Variants in TRIM9 observed in about 807,000 individuals in gnomAD.
TRIM9 encodes E3 ubiquitin-protein ligase TRIM9.
A neutral mutation model predicts 78.3 loss-of-function variants in TRIM9; 26 were observed. That is an observed-to-expected ratio of 0.33 (90% CI 0.24 to 0.46). The LOEUF (loss-of-function observed/expected upper bound fraction) is 0.46. Among genes scored for constraint, TRIM9 ranks in the 20% least tolerant of loss-of-function variants. TRIM9 has a pLI of 1.00. For missense variants in TRIM9, 787 were observed against 1,036.4 expected, an observed-to-expected ratio of 0.76 and a Z score of 3.30; for synonymous variants, 398 against 416.5, an observed-to-expected ratio of 0.96 and a Z score of 0.54.
intron 12 of TRIM9, chr14:50,979,127 C>A: frequency 1.4e-6 from 2 of 1,398,964 alleles, no homozygotes; most frequent in Non-Finnish European, 1.9e-6. Flanking sequence ...CAGAGATGAT[C>A]ATTAGCCAAC....
At chr14:51,002,411 G>T (rs2055198893) in intron 5 of TRIM9, among the ~76,000 whole-genome samples, 1 of 152,056 alleles carries the variant, frequency 6.6e-6, no homozygotes, top group African/African-American at 2.4e-5. Context: ...TGGGATTAGA[G>T]ATATGAGCCA....
intron 1 of TRIM9, among the ~76,000 whole-genome samples, chr14:51,036,320 G>C (rs143462492): frequency 6.6e-6 from 1 of 152,034 alleles, no homozygotes; most frequent in Non-Finnish European, 1.5e-5. Context: ...TTTGAGAGCC[G>C]GTTTGTCAGC....
intron 1 of TRIM9, among the ~76,000 whole-genome samples, chr14:51,078,630 A>G (rs1294013109): frequency 2.0e-5 from 3 of 152,212 alleles, no homozygotes; most frequent in Admixed American, 6.5e-5. Flanking sequence ...ATATTGTATG[A>G]TATTTACTGT....
intron 1 of TRIM9, among the ~76,000 whole-genome samples, chr14:51,026,419 T>C (rs1181540972): frequency 6.6e-6 from 1 of 152,170 alleles, no homozygotes; most frequent in African/African-American, 2.4e-5. Flanking sequence ...AGTTTTCTAT[T>C]GCTAGCAGGA....
chr14:51,047,682 G>T (rs758438584), intron 1 of TRIM9, among the ~76,000 whole-genome samples: 1 of 152,086 alleles, frequency 6.6e-6, no homozygotes, highest in Non-Finnish European at 1.5e-5. Flanking sequence ...GGAAAGAAAC[G>T]CATATAACAA....
chr14:51,021,540 C>T (rs1379728793), intron 3 of TRIM9, among the ~76,000 whole-genome samples: 1 of 152,210 alleles, frequency 6.6e-6, no homozygotes. Flanking sequence ...AGAAGTCCTT[C>T]TGAACCACCT....
At position 51,094,610 on chromosome 14, in the gene TRIM9, G is replaced by A. The variant is rs1216720531; in HGVS notation, c.330C>T (p.Ala110=). ...GGGCCAGGGCCGGTGACAAGTGGGTGGCCGGTGGCGGCATAGCCGGGGGAA... is the reference window on the plus strand; with the variant it reads ...GGGCCAGGGCCGGTGACAAGTGGGTAGCCGGTGGCGGCATAGCCGGGGGAA... ...RVFPPAMPPP[A]THLSPALAPV... is the part of the protein sequence containing the mutation. Residue 110 remains alanine, a synonymous_variant, in exon 1 of 13, where the codon GCC becomes GCT. Transcript: ENST00000684578. 6.2e-7 allele frequency: 1 copy of A among 1,609,292 alleles called. No individual in the cohort carries two copies. The highest frequency in any genetic ancestry group is 8.5e-7 in the Non-Finnish European group (1 of 1,177,258).
chr14:51,022,838 C>T lies in TRIM9; in HGVS notation c.1038G>A (p.Leu346=), dbSNP rs1416998843. Residue 346 remains leucine, a synonymous_variant, in exon 3 of 13, where the codon CTG becomes CTA. Coordinates refer to ENST00000684578, the MANE Select transcript of TRIM9 (RefSeq NM_001387360.1). Reference sequence around the variant, plus strand: ...CTTCCCATGATGCAGCACTCACCTTCAGCTTGTGCTCATGCTCCTTGTTGA... The same window carrying T: ...CTTCCCATGATGCAGCACTCACCTTTAGCTTGTGCTCATGCTCCTTGTTGA... ...ARVNKEHEHK[L]KVVRDQISHC... The T allele has an allele frequency of 1.2e-6, 2 of 1,614,162 alleles. No individual in the cohort carries two copies. Among genetic ancestry groups the T allele is most frequent in the South Asian group, 1.1e-5 (1 of 91,082 alleles).
At chr14:51,060,959 G>A (rs2061308343) in intron 1 of TRIM9, among the ~76,000 whole-genome samples, 2 of 152,184 alleles carry the variant, frequency 1.3e-5, no homozygotes, top group East Asian at 3.8e-4. Flanking sequence ...TTGCTACTGT[G>A]AGTCTTTTTC....
At chr14:51,011,047 G>A (rs138268072) in intron 3 of TRIM9, among the ~76,000 whole-genome samples, 2 of 152,178 alleles carry the variant, frequency 1.3e-5, no homozygotes, top group Middle Eastern at 3.2e-3. Context: ...GACCTGGAAG[G>A]CCAAGGTGGA....
In TRIM9 at chr14:51,094,729, A is replaced by G. The variant is rs1328053818; in HGVS notation, c.211T>C (p.Tyr71His). Residue 71 changes from tyrosine to histidine, a missense_variant, in exon 1 of 13, where the codon TAC (tyrosine) becomes CAC (histidine). Physicochemically the swap from Tyr to His is moderately conservative, Grantham distance 83. Around this residue, in one of 3 missense-constraint regions of TRIM9, gnomAD observed 352 missense variants for 472.3 expected, o/e 0.75. Transcript: ENST00000684578. The stretch of plus-strand genomic sequence containing the variant: ...CCATAGCCGCTGTCCGCCTCGCTGT[A>G]TAGGCTCATCTTGTCCAGGTCCAGA... ...DYLDLDKMSL[Y>H]SEADSGYGSY... The G allele has an allele frequency of 6.4e-7, 1 of 1,551,262 alleles. No homozygotes were observed. Among genetic ancestry groups the G allele is most frequent in the Non-Finnish European group, 8.7e-7 (1 of 1,148,866 alleles).
rs545160598 is a variant in TRIM9 at position 51,080,730 on chromosome 14, T to C, written c.822+13388A>G. Reference sequence around the variant, plus strand: ...GAAGTGACTTTTTTGAATACTGCCATGGTAACCCTTAGGAGCCAAAGATGA... The same window carrying C: ...GAAGTGACTTTTTTGAATACTGCCACGGTAACCCTTAGGAGCCAAAGATGA... On this transcript the variant is annotated intron_variant, in intron 1 of 12. Transcript: ENST00000684578. Among the ~76,000 whole-genome samples, 9 of 152,272 alleles carry C rather than the reference T, an allele frequency of 5.9e-5. 1 individual carries two copies. In the South Asian group the frequency reaches 1.5e-3, roughly 25 times the overall value.
At chr14:51,013,405 G>A (rs1313381034) in intron 3 of TRIM9, among the ~76,000 whole-genome samples, 1 of 152,106 alleles carries the variant, frequency 6.6e-6, no homozygotes, top group African/African-American at 2.4e-5. Context: ...CTTTATGCCA[G>A]TATCCACTAT....
rs2051041525 is a variant in TRIM9, at chr14:50,975,654, C to T, written c.*1637G>A. The T allele has an allele frequency of 6.6e-6, 1 of 152,648 alleles. No individual in the cohort carries two copies. Among genetic ancestry groups the T allele is most frequent in the African/African-American group, 2.4e-5 (1 of 41,448 alleles). 9.5% of individuals were successfully genotyped at this position (152,648 alleles called of 1,614,324 possible). On this transcript the variant is annotated 3_prime_UTR_variant, in exon 13 of 13. Coordinates refer to ENST00000684578, the MANE Select transcript of TRIM9 (RefSeq NM_001387360.1). The stretch of plus-strand genomic sequence containing the variant: ...AAATAATTAGCTATTTACATATATT[C>T]CTTTTTGCCAAAACTTTAATTTGTT...
intron 3 of TRIM9, among the ~76,000 whole-genome samples, chr14:51,013,865 C>T (rs1008048861): frequency 6.6e-6 from 1 of 152,188 alleles, no homozygotes; most frequent in African/African-American, 2.4e-5. Context: ...AGGTGACCTA[C>T]AGCTAATATG....
At chr14:51,063,490 T>C (rs2061500654) in intron 1 of TRIM9, among the ~76,000 whole-genome samples, 1 of 150,344 alleles carries the variant, frequency 6.7e-6, no homozygotes. Flanking sequence ...CCAAGTTCAC[T>C]GAACTCCAAG....
intron 1 of TRIM9, among the ~76,000 whole-genome samples, chr14:51,081,104 T>C (rs532210960): frequency 4.1e-4 from 62 of 152,318 alleles, no homozygotes; most frequent in Non-Finnish European, 8.1e-4. Context: ...TCTCTTCCAT[T>C]TTAAAAGTGA....
intron 1 of TRIM9, among the ~76,000 whole-genome samples, chr14:51,064,468 C>G (rs570853805): frequency 6.6e-6 from 1 of 151,204 alleles, no homozygotes; most frequent in Non-Finnish European, 1.5e-5. Flanking sequence ...CTATAATTAT[C>G]TATAAAAAGT....
chr14:50,981,464 T>G (rs2051886957), intron 11 of TRIM9, among the ~76,000 whole-genome samples: 1 of 152,240 alleles, frequency 6.6e-6, no homozygotes, highest in African/African-American at 2.4e-5. Flanking sequence ...CGAAGTAACT[T>G]GCCCAAAAGT....
Sources: gnomAD v4.1 joint callset for allele counts (sites outside exome capture counted in the v4.1 genomes callset) on GRCh38, gnomAD v4.1.1 for gene constraint, gnomAD v4.1.1 regional missense constraint, MANE v1.5 for transcripts, NCBI Gene and HGNC (gene_info 2026-07-23, HGNC 2026-07-21) for gene names.